Variants in EPB41L4A observed in about 807,000 individuals in gnomAD.
The protein encoded by EPB41L4A is band 4.1-like protein 4A.
A neutral mutation model predicts 108.6 loss-of-function variants in EPB41L4A; 100 were observed. The observed-to-expected ratio is 0.92, with a 90% CI of 0.78 to 1.09. EPB41L4A has a LOEUF of 1.09. EPB41L4A is among the 50% of genes least tolerant of loss of function. The probability of loss-of-function intolerance (pLI) is 0.00; values close to 1 mark genes in which losing one functional copy is unlikely to be tolerated. For missense variants in EPB41L4A, 1,030 were observed against 842.7 expected (o/e 1.22, Z -2.75); for synonymous variants, 319 against 289.0 (o/e 1.10, Z -1.05).
chr5:112,317,709 T>C (rs1755520329), intron 1 of EPB41L4A, among the ~76,000 whole-genome samples: 1 of 152,248 alleles, frequency 6.6e-6, no homozygotes, highest in African/African-American at 2.4e-5. Context: ...CTAGATATCA[T>C]AGTTGCAAAA....
chr5:112,247,391 C>A (rs969554165), intron 9 of EPB41L4A, among the ~76,000 whole-genome samples: 1 of 152,134 alleles, frequency 6.6e-6, no homozygotes, highest in African/African-American at 2.4e-5. Context: ...CAGGCTACCC[C>A]TGCCCCTCTA....
chr5:112,292,359 G>A (rs181499772), intron 2 of EPB41L4A, among the ~76,000 whole-genome samples: 2 of 152,006 alleles, frequency 1.3e-5, no homozygotes, highest in Non-Finnish European at 2.9e-5. Context: ...AATATCCTGC[G>A]GCCTCCAATA....
intron 13 of EPB41L4A, chr5:112,206,890 T>G (rs1263823834): frequency 6.6e-6 from 1 of 152,182 alleles, no homozygotes; most frequent in Non-Finnish European, 1.5e-5. Flanking sequence ...ACAGATGCAA[T>G]GCTATTCCTA....
intron 1 of EPB41L4A, among the ~76,000 whole-genome samples, chr5:112,361,200 T>A (rs1314523905): frequency 6.6e-6 from 1 of 152,240 alleles, no homozygotes; most frequent in Non-Finnish European, 1.5e-5. Flanking sequence ...CTTGGGATGC[T>A]GTTAATCTAT....
chr5:112,332,045 A>C (rs1268499300), intron 1 of EPB41L4A, among the ~76,000 whole-genome samples: 1 of 152,238 alleles, frequency 6.6e-6, no homozygotes, highest in Non-Finnish European at 1.5e-5. Flanking sequence ...CAGGAACAGA[A>C]ACCGAAGGAA....
At chr5:112,172,689 T>C (rs1760651679) in intron 18 of EPB41L4A, among the ~76,000 whole-genome samples, 1 of 152,180 alleles carries the variant, frequency 6.6e-6, no homozygotes, top group South Asian at 2.1e-4. Flanking sequence ...TAAGGTGTTA[T>C]TCCATTCTGA....
At chr5:112,224,940 C>A (rs1748351621) in intron 12 of EPB41L4A, among the ~76,000 whole-genome samples, 2 of 152,310 alleles carry the variant, frequency 1.3e-5, no homozygotes, top group Non-Finnish European at 2.9e-5. Flanking sequence ...CTTGTTCTAA[C>A]CCTTTTGTAT....
rs533999192 is a variant in EPB41L4A at position 112,169,067 on chromosome 5, G to C, written c.1778C>G (p.Ser593Trp). 1.2e-6 allele frequency: 2 copies of C among 1,613,990 alleles called. No individual in the cohort carries two copies. The highest frequency in any genetic ancestry group is 1.7e-6 in the Non-Finnish European group (2 of 1,179,996). Reference sequence around the variant, plus strand: ...GCGATACTGGCGGTAACTTCGTGGCGAATGAGAATGCCTGATGCGGATTGG... The same window carrying C: ...GCGATACTGGCGGTAACTTCGTGGCCAATGAGAATGCCTGATGCGGATTGG... ...GDPIRIRHSH[S>W]PRSYRQYRRS... Residue 593 changes from serine (S) to tryptophan (W), a missense_variant, in exon 21 of 23, where the codon TCG becomes TGG. By Grantham distance (177) the Ser-to-Trp change is radical. Coordinates refer to ENST00000261486, the MANE Select transcript of EPB41L4A (RefSeq NM_022140.5).
chr5:112,392,975 T>C (rs1241404614), intron 1 of EPB41L4A, among the ~76,000 whole-genome samples: 3 of 152,194 alleles, frequency 2.0e-5, no homozygotes, highest in African/African-American at 4.8e-5. Flanking sequence ...CTGAACAACC[T>C]GCTCCTGAAT....
intron 2 of EPB41L4A, among the ~76,000 whole-genome samples, chr5:112,292,814 G>C (rs1458750782): frequency 6.6e-6 from 1 of 152,020 alleles, no homozygotes; most frequent in African/African-American, 2.4e-5. Flanking sequence ...AAAAAAACTA[G>C]TTTTCTAATG....
At chr5:112,403,745 G>A (rs1258227426) in intron 1 of EPB41L4A, among the ~76,000 whole-genome samples, 1 of 152,198 alleles carries the variant, frequency 6.6e-6, no homozygotes, top group Non-Finnish European at 1.5e-5. Context: ...TGGGATCACA[G>A]GAGTAAGGTA....
At chr5:112,153,623 G>A (rs1037517986) in intron 12 of EPB41L4A, among the ~76,000 whole-genome samples, 9 of 150,378 alleles carry the variant, frequency 6.0e-5, no homozygotes, top group Admixed American at 5.3e-4. Flanking sequence ...AATACAAGGA[G>A]ACATTAACAA....
chr5:112,302,732 C>G (rs1297872413), intron 2 of EPB41L4A, among the ~76,000 whole-genome samples: 1 of 152,152 alleles, frequency 6.6e-6, no homozygotes, highest in African/African-American at 2.4e-5. Flanking sequence ...CCTGAAACAT[C>G]TGGGTTGAAG....
Position 112,168,726 on chromosome 5 carries a change from T to C in EPB41L4A, c.1932+13A>G. The C allele has an allele frequency of 6.2e-7, 1 of 1,606,310 alleles. No individual in the cohort carries two copies. The highest frequency in any genetic ancestry group is 8.5e-7 in the Non-Finnish European group (1 of 1,173,112). Reference sequence around the variant, plus strand: ...TCAATACAACACCTTCTTCAAACCTTACTATTACTAACCTGATGAACTGTA... The same window carrying C: ...TCAATACAACACCTTCTTCAAACCTCACTATTACTAACCTGATGAACTGTA... On this transcript the variant is annotated intron_variant, in intron 22 of 22. Transcript: ENST00000261486.
intron 1 of EPB41L4A, among the ~76,000 whole-genome samples, chr5:112,401,679 A>G (rs1244298380): frequency 2.6e-5 from 4 of 152,152 alleles, no homozygotes; most frequent in African/African-American, 7.2e-5. Flanking sequence ...TCCTCCTACA[A>G]CAGAAATCGA....
rs1253136791 is a variant in EPB41L4A at position 112,418,842 on chromosome 5, G to A, written c.99+99C>T. The A allele has an allele frequency of 5.7e-6, 5 of 872,178 alleles. No homozygotes were observed. The East Asian group carries it at 7.8e-5, about 14-fold the overall frequency. The allele number at this position is 872,178 out of a possible 1,614,324, so 54.0% of individuals were successfully genotyped here. On this transcript the variant is annotated intron_variant, in intron 1 of 22. Transcript: ENST00000261486. Reference sequence around the variant, plus strand: ...TCTCCTCCCCACCGCGCAGAGTCGCGGCCGCCGCCCTCGACCCACCGGTGA... The same window carrying A: ...TCTCCTCCCCACCGCGCAGAGTCGCAGCCGCCGCCCTCGACCCACCGGTGA...
chr5:112,355,055 A>G (rs1446993148), intron 1 of EPB41L4A, among the ~76,000 whole-genome samples: 1 of 152,208 alleles, frequency 6.6e-6, no homozygotes, highest in Non-Finnish European at 1.5e-5. Context: ...AAATCTGACC[A>G]ACAAATGCCT....
At chr5:112,338,572 C>T (rs2150688766) in intron 1 of EPB41L4A, among the ~76,000 whole-genome samples, 2 of 150,820 alleles carry the variant, frequency 1.3e-5, no homozygotes. Context: ...GGGAGGCTTC[C>T]TCTACCAGCG....
At chr5:112,162,306 C>T (rs1224301457), downstream of EPB41L4A, 8 of 152,166 alleles carry the variant, frequency 5.3e-5, no homozygotes, top group African/African-American at 1.9e-4. Context: ...TATATTAATG[C>T]ACTTTGGCAT....
Sources: allele counts gnomAD v4.1 joint callset (sites outside exome capture counted in the v4.1 genomes callset), GRCh38; gene constraint gnomAD v4.1.1; transcripts MANE v1.5; gene names NCBI Gene and HGNC (gene_info 2026-07-23, HGNC 2026-07-21).